PIK3AP1: variants seen among roughly 807,000 people sequenced by gnomAD.
PIK3AP1 encodes phosphoinositide-3-kinase adaptor protein 1, also known as phosphoinositide 3-kinase adapter protein 1.
Under a neutral mutation model 88.1 loss-of-function variants are expected in PIK3AP1, and 21 were observed. The observed-to-expected ratio is 0.24, with a 90% CI of 0.17 to 0.34. PIK3AP1 has a LOEUF of 0.34. Among genes scored for constraint, PIK3AP1 ranks in the 10% least tolerant of loss-of-function variants. PIK3AP1 has a pLI of 1.00. For synonymous variants in PIK3AP1, 398 were observed against 400.0 expected, an observed-to-expected ratio of 1.00 and a Z score of 0.06; for missense variants, 828 against 1,035.7, an observed-to-expected ratio of 0.80 and a Z score of 2.75.
rs1250095754 is a variant in PIK3AP1, at chr10:96,692,592, G to GAAAAA, written c.430+16974_430+16975insTTTTT. On this transcript the variant is annotated intron_variant, in intron 2 of 16. Transcript: ENST00000339364. ...CATCTCAAAAAAAAAAAGAAAGAAAGAAAGAAAAGAAAGAAATGTTATATT... is the reference window on the plus strand; with the variant it reads ...CATCTCAAAAAAAAAAAGAAAGAAAGAAAAAAAAGAAAAGAAAGAAATGTTATATT... Among the ~76,000 whole-genome samples, 66 of 150,844 alleles carry GAAAAA rather than the reference G, an allele frequency of 4.4e-4. No individual in the cohort carries two copies. The South Asian group carries it at 0.013, about 31-fold the overall frequency.
intron 8 of PIK3AP1, among the ~76,000 whole-genome samples, chr10:96,640,827 TA>T (rs1042768284): frequency 1.5e-4 from 22 of 149,884 alleles, no homozygotes; most frequent in Middle Eastern, 3.4e-3. Context: ...CCTGCTAATT[TA>T]AAAAAAAAAA....
chr10:96,633,238 A>AT, intron 8 of PIK3AP1: 1 of 636,288 alleles, frequency 1.6e-6, no homozygotes, highest in Non-Finnish European at 2.4e-6. Flanking sequence ...ATCAGGAGCC[A>AT]TTTTTATTGT....
chr10:96,647,491 C>T (rs1396306218), intron 7 of PIK3AP1, among the ~76,000 whole-genome samples: 2 of 152,214 alleles, frequency 1.3e-5, no homozygotes, highest in Non-Finnish European at 2.9e-5. Context: ...AAATGAAATG[C>T]TACATTTGGT....
intron 2 of PIK3AP1, 91 bp from the exon 3 acceptor site, chr10:96,657,025 T>C (rs1843624369): frequency 2.2e-6 from 3 of 1,363,342 alleles, no homozygotes; most frequent in South Asian, 2.5e-5. Flanking sequence ...TATTGCAAAA[T>C]AGGAAACGGC....
intron 2 of PIK3AP1, among the ~76,000 whole-genome samples, chr10:96,675,903 T>A (rs1231392038): frequency 6.6e-6 from 1 of 152,210 alleles, no homozygotes; most frequent in Non-Finnish European, 1.5e-5. Flanking sequence ...ATTAGAATTG[T>A]ATAAGGCCAT....
At chr10:96,634,828 C>T (rs1843292126) in intron 8 of PIK3AP1, among the ~76,000 whole-genome samples, 1 of 152,170 alleles carries the variant, frequency 6.6e-6, no homozygotes, top group Admixed American at 6.5e-5. Context: ...GGGTCAAAGT[C>T]AAGGTTTTGT....
At chr10:96,612,597 C>T (rs537997617) in intron 13 of PIK3AP1, among the ~76,000 whole-genome samples, 2 of 152,226 alleles carry the variant, frequency 1.3e-5, no homozygotes, top group Middle Eastern at 6.8e-3. Context: ...GATGCCTTCT[C>T]TTTGGCAAAT....
chr10:96,649,841 T>C (rs1170703016), intron 6 of PIK3AP1, among the ~76,000 whole-genome samples: 2 of 152,112 alleles, frequency 1.3e-5, no homozygotes, highest in South Asian at 4.1e-4. Context: ...AGGTGCTGGG[T>C]CCCCACGGAC....
intron 10 of PIK3AP1, among the ~76,000 whole-genome samples, chr10:96,623,902 T>A (rs759196328): frequency 2.6e-5 from 4 of 152,172 alleles, no homozygotes; most frequent in Non-Finnish European, 5.9e-5. Flanking sequence ...GCTAGTGCCA[T>A]AAGACAGAAC....
intron 3 of PIK3AP1, among the ~76,000 whole-genome samples, chr10:96,656,200 T>G (rs1190760036): frequency 6.6e-6 from 1 of 152,204 alleles, no homozygotes; most frequent in Admixed American, 6.5e-5. Context: ...AGAAAAACCA[T>G]CAGTACTAAG....
chr10:96,658,643 A>T (rs1369327666), intron 2 of PIK3AP1, among the ~76,000 whole-genome samples: 1 of 152,160 alleles, frequency 6.6e-6, no homozygotes, highest in Non-Finnish European at 1.5e-5. Context: ...CTGGCATCTG[A>T]CTGCTGAATG....
rs368616962 is a variant in PIK3AP1 at position 96,651,649 on chromosome 10, G to A, written c.715C>T (p.Leu239Phe). 2 of 1,612,090 alleles carry A rather than the reference G, an allele frequency of 1.2e-6. No homozygotes were observed. The highest frequency in any genetic ancestry group is 1.3e-5 in the African/African-American group (1 of 74,784). The part of the protein sequence containing the change: ...EYTISVKAPN[L>F]SSGNVSLKIY... ...TTCAGAGAAACGTTCCCAGATGAAA[G>A]GTCTGAACAGAAGAAAAGACACTAT... Residue 239 changes from leucine (L) to phenylalanine (F), a missense_variant and splice_region_variant, in exon 5 of 17, where the codon CTT becomes TTT. Around this residue, in one of 3 missense-constraint regions of PIK3AP1, gnomAD observed 610 missense variants for 760.1 expected, o/e 0.80. Coordinates refer to ENST00000339364, the MANE Select transcript of PIK3AP1 (RefSeq NM_152309.3).
At chr10:96,710,555 C>T (rs1026913571) in intron 1 of PIK3AP1, among the ~76,000 whole-genome samples, 4 of 152,128 alleles carry the variant, frequency 2.6e-5, no homozygotes, top group African/African-American at 9.7e-5. Context: ...CGAGCTATTG[C>T]TTCTGCCTGG....
chr10:96,693,126 C>A (rs150673836), intron 2 of PIK3AP1, among the ~76,000 whole-genome samples: 104 of 152,326 alleles, frequency 6.8e-4, no homozygotes, highest in African/African-American at 2.2e-3. Flanking sequence ...TAAAACTTTT[C>A]TTTACAACAA....
chr10:96,641,358 A>G (rs1843387077), intron 8 of PIK3AP1, among the ~76,000 whole-genome samples: 1 of 152,144 alleles, frequency 6.6e-6, no homozygotes, highest in South Asian at 2.1e-4. Context: ...TCCCAACAAC[A>G]GTTAGGTGAT....
Position 96,602,392 on chromosome 10 carries a change from CATT to C in PIK3AP1, c.2245_2247del (p.Asn749del). 1 of 1,610,214 alleles carries C rather than the reference CATT, an allele frequency of 6.2e-7. No homozygotes were observed. Among genetic ancestry groups the C allele is most frequent in the Non-Finnish European group, 8.5e-7 (1 of 1,176,772 alleles). On this transcript the variant is annotated inframe_deletion, in exon 16 of 17. Transcript: ENST00000339364. ...CGACTTCTGGTAACCTCAGGGACTT[CATT>C]ATCCTACAGCAAAGAAGATGAGAAA... is the stretch of plus-strand genomic sequence containing the variant.
chr10:96,597,826 C>T (rs1848805926), intron 16 of PIK3AP1, among the ~76,000 whole-genome samples: 2 of 152,066 alleles, frequency 1.3e-5, no homozygotes, highest in South Asian at 2.1e-4. Flanking sequence ...ATGAGCCTTA[C>T]ATTTTATCTT....
At chr10:96,615,185 G>A (rs1439537842) in intron 13 of PIK3AP1, among the ~76,000 whole-genome samples, 1 of 152,192 alleles carries the variant, frequency 6.6e-6, no homozygotes, top group Admixed American at 6.5e-5. Flanking sequence ...TAGGAGTCCA[G>A]GGACTGCAGC....
intron 16 of PIK3AP1, among the ~76,000 whole-genome samples, chr10:96,596,460 C>T (rs1266801389): frequency 4.6e-5 from 7 of 152,180 alleles, no homozygotes; most frequent in African/African-American, 1.7e-4. Flanking sequence ...GTCTCCTGAG[C>T]TGTTGACTTT....
Sources: gnomAD v4.1 joint callset for allele counts (sites outside exome capture counted in the v4.1 genomes callset) on GRCh38, gnomAD v4.1.1 for gene constraint, gnomAD v4.1.1 regional missense constraint, MANE v1.5 for transcripts, NCBI Gene and HGNC (gene_info 2026-07-23, HGNC 2026-07-21) for gene names.